PHF21A: variants seen among roughly 807,000 people sequenced by gnomAD.
PHF21A encodes the protein BHC80a.
In PHF21A, 11 loss-of-function variants were observed where a neutral mutation model predicts 82.5. That is an observed-to-expected ratio of 0.13 (90% CI 0.08 to 0.22). The LOEUF is 0.22. Ranked by LOEUF, PHF21A falls within the 10% of genes least tolerant of loss-of-function variation. The probability of loss-of-function intolerance (pLI) is 1.00; values close to 1 mark genes in which losing one functional copy is unlikely to be tolerated. For missense variants in PHF21A, 579 were observed against 837.8 expected (o/e 0.69, Z 3.81); for synonymous variants, 297 against 302.8 (o/e 0.98, Z 0.20).
intron 6 of PHF21A, among the ~76,000 whole-genome samples, chr11:46,021,575 C>T (rs544981029): frequency 6.0e-5 from 9 of 150,232 alleles, no homozygotes; most frequent in Admixed American, 4.6e-4. Context: ...GACAGGGTCT[C>T]ACCCTGTCAT....
At chr11:45,947,273 T>C (rs895707816) in intron 14 of PHF21A, among the ~76,000 whole-genome samples, 2 of 152,096 alleles carry the variant, frequency 1.3e-5, no homozygotes, top group African/African-American at 2.4e-5. Flanking sequence ...TCATTGCTTC[T>C]AAGCTATGAG....
intron 3 of PHF21A, among the ~76,000 whole-genome samples, chr11:46,085,847 C>T (rs910968787): frequency 4.6e-5 from 7 of 151,852 alleles, no homozygotes; most frequent in African/African-American, 1.7e-4. Flanking sequence ...AATATATTTG[C>T]TTATTCTCAT....
intron 6 of PHF21A, among the ~76,000 whole-genome samples, chr11:45,981,118 G>C (rs996714116): frequency 1.1e-4 from 17 of 152,046 alleles, no homozygotes; most frequent in Non-Finnish European, 1.5e-4. Flanking sequence ...CAACACGGTG[G>C]CTCATGCCTG....
At chr11:46,006,713 C>T (rs1281063417) in intron 6 of PHF21A, among the ~76,000 whole-genome samples, 2 of 152,204 alleles carry the variant, frequency 1.3e-5, no homozygotes, top group East Asian at 1.9e-4. Flanking sequence ...TAAAAAGATA[C>T]ACTTGTATTA....
intron 4 of PHF21A, among the ~76,000 whole-genome samples, chr11:46,082,071 A>T (rs1240399770): frequency 2.0e-5 from 3 of 152,254 alleles, no homozygotes; most frequent in Non-Finnish European, 4.4e-5. Context: ...CCCCAAAAAG[A>T]TGAGATGTCC....
chr11:45,995,117 A>G (rs1303921173), intron 6 of PHF21A, among the ~76,000 whole-genome samples: 1 of 152,176 alleles, frequency 6.6e-6, no homozygotes, highest in African/African-American at 2.4e-5. Context: ...TCCCCTTTAT[A>G]AGAATACAGC....
chr11:45,979,397 G>C (rs2094183786), intron 7 of PHF21A, among the ~76,000 whole-genome samples: 1 of 152,162 alleles, frequency 6.6e-6, no homozygotes, highest in Non-Finnish European at 1.5e-5. Context: ...TAGTTGCTAA[G>C]AATTCCAGAA....
chr11:45,980,982 C>G (rs982829121), intron 6 of PHF21A, among the ~76,000 whole-genome samples: 2 of 152,080 alleles, frequency 1.3e-5, no homozygotes, highest in Non-Finnish European at 2.9e-5. Flanking sequence ...TTGCTCAAAT[C>G]CAAGAGAAAT....
At chr11:46,037,360 G>C (rs998053070) in intron 6 of PHF21A, among the ~76,000 whole-genome samples, 1 of 152,130 alleles carries the variant, frequency 6.6e-6, no homozygotes, top group African/African-American at 2.4e-5. Flanking sequence ...TGGAGTGCTC[G>C]GCCTGGCACA....
At chr11:45,976,102 C>G (rs961010588) in intron 7 of PHF21A, among the ~76,000 whole-genome samples, 7 of 152,130 alleles carry the variant, frequency 4.6e-5, no homozygotes, top group Non-Finnish European at 7.3e-5. Flanking sequence ...TCCATCGTTT[C>G]GTGGATCACA....
chr11:46,028,784 G>C lies in PHF21A; in HGVS notation c.153+47970C>G, dbSNP rs187076916. Among the ~76,000 whole-genome samples the C allele has an allele frequency of 2.5e-3, 383 of 152,168 alleles. 1 individual carries two copies. The highest frequency in any genetic ancestry group is 2.3e-3 in the Non-Finnish European group (156 of 67,988). On this transcript the variant is annotated intron_variant, in intron 6 of 18. Coordinates refer to ENST00000676320, the MANE Select transcript of PHF21A (RefSeq NM_001352027.3). ...AGATGGGGTTTCACCATGTTGGTCAGGCTAGTTTCGAACTCCTGACCTCAT... is the reference window on the plus strand; with the variant it reads ...AGATGGGGTTTCACCATGTTGGTCACGCTAGTTTCGAACTCCTGACCTCAT...
chr11:46,109,514 A>C (rs1341890058), intron 1 of PHF21A, among the ~76,000 whole-genome samples: 1 of 151,746 alleles, frequency 6.6e-6, no homozygotes, highest in East Asian at 1.9e-4. Flanking sequence ...CATAAAAATA[A>C]AATTTATATA....
rs530781360 is a variant in PHF21A, at chr11:46,071,459, C to A, written c.153+5295G>T. On this transcript the variant is annotated intron_variant, in intron 6 of 18. Transcript: ENST00000676320. Reference sequence around the variant, plus strand: ...TGAAAATAAACACTTAGGTAAAATGCCCTATAATAATATGGCACATTATTA... The same window carrying A: ...TGAAAATAAACACTTAGGTAAAATGACCTATAATAATATGGCACATTATTA... Among the ~76,000 whole-genome samples, 145 of 152,278 alleles carry A rather than the reference C, an allele frequency of 9.5e-4. 1 individual carries two copies. Among genetic ancestry groups the A allele is most frequent in the African/African-American group, 3.2e-3 (135 of 41,554 alleles).
At position 46,120,998 on chromosome 11, in the gene PHF21A, CAGG is replaced by C. The variant is rs977378691; in HGVS notation, c.-303_-301del. The C allele has an allele frequency of 2.3e-4, 36 of 153,548 alleles. No individual in the cohort carries two copies. The highest frequency in any genetic ancestry group is 3.1e-3 in the Middle Eastern group (1 of 318). 9.5% of individuals were successfully genotyped at this position (153,548 alleles called of 1,614,324 possible). A position where few individuals can be genotyped will look rare whatever the true frequency, so the allele number is the denominator to read the frequency against. On this transcript the variant is annotated 5_prime_UTR_variant, in exon 1 of 19. Transcript: ENST00000676320. ...AGGCAGGAACTCTGAGCAGGAGAAG[CAGG>C]AGGAGGAGGAGGAGGGAACTCTTCT...
At chr11:45,945,472 A>G (rs1238543379) in intron 15 of PHF21A, among the ~76,000 whole-genome samples, 1 of 152,038 alleles carries the variant, frequency 6.6e-6, no homozygotes, top group African/African-American at 2.4e-5. Flanking sequence ...CTGCTGGGGG[A>G]CTGTATGTCT....
rs547089940 is a variant in PHF21A at position 46,033,799 on chromosome 11, T to TAACAGAGTTACAAA, written c.153+42954_153+42955insTTTGTAACTCTGTT. ...GATTTCAACTCTGTTTACTTTTTTG[T>TAACAGAGTTACAAA]AGGTGGCTGCTAGAAATCTTTTAAT... On this transcript the variant is annotated intron_variant, in intron 6 of 18. Transcript: ENST00000676320. Among the ~76,000 whole-genome samples, 44 of 152,388 alleles carry TAACAGAGTTACAAA rather than the reference T, an allele frequency of 2.9e-4. No homozygotes were observed. In the East Asian group the frequency reaches 7.9e-3, roughly 27 times the overall value.
rs549006005 is a variant in PHF21A at position 46,000,924 on chromosome 11, A to T, written c.154-20958T>A. 1.4e-4 allele frequency among the ~76,000 whole-genome samples: 21 copies of T among 151,782 alleles called. No individual in the cohort carries two copies. In the South Asian group the frequency reaches 2.1e-3, roughly 15 times the overall value. On this transcript the variant is annotated intron_variant, in intron 6 of 18. Coordinates refer to ENST00000676320, the MANE Select transcript of PHF21A (RefSeq NM_001352027.3). Reference sequence around the variant, plus strand: ...AACAAAAGTGAACCTCCGTCTCAAAAAAATAAATAAATAAATAAATAAATA... The same window carrying T: ...AACAAAAGTGAACCTCCGTCTCAAATAAATAAATAAATAAATAAATAAATA...
At chr11:46,112,650 A>T (rs563795320) in intron 1 of PHF21A, among the ~76,000 whole-genome samples, 1 of 152,224 alleles carries the variant, frequency 6.6e-6, no homozygotes, top group Non-Finnish European at 1.5e-5. Context: ...AAGCGTACAG[A>T]TATTCAAGAT....
At chr11:46,081,555 T>G (rs2096791881) in intron 4 of PHF21A, among the ~76,000 whole-genome samples, 1 of 152,204 alleles carries the variant, frequency 6.6e-6, no homozygotes, top group Admixed American at 6.5e-5. Flanking sequence ...TAAGCCAATT[T>G]TTCTATCTGT....
Sources: gnomAD v4.1 joint callset for allele counts (sites outside exome capture counted in the v4.1 genomes callset) on GRCh38, gnomAD v4.1.1 for gene constraint, MANE v1.5 for transcripts, NCBI Gene and HGNC (gene_info 2026-07-23, HGNC 2026-07-21) for gene names.